The following CHRM3 variants were observed in gnomAD, a reference collection of about 807,000 sequenced individuals.
CHRM3 encodes the protein cholinergic receptor muscarinic 3, also known as muscarinic acetylcholine receptor M3.
In CHRM3, 11 loss-of-function variants were observed where a neutral mutation model predicts 41.8. The ratio of observed to expected loss-of-function variants is 0.26; its 90% CI spans 0.17 to 0.44. The LOEUF (loss-of-function observed/expected upper bound fraction) is 0.44. Among genes scored for constraint, CHRM3 ranks in the 20% least tolerant of loss-of-function variants. The pLI is 1.00. For synonymous variants in CHRM3, 297 were observed against 301.4 expected, an observed-to-expected ratio of 0.99 and a Z score of 0.15; for missense variants, 571 against 745.4, an observed-to-expected ratio of 0.77 and a Z score of 2.72.
At chr1:239,588,180 G>C (rs932639254) in intron 3 of CHRM3, among the ~76,000 whole-genome samples, 4 of 152,164 alleles carry the variant, frequency 2.6e-5, no homozygotes, top group African/African-American at 9.7e-5. Context: ...TTGCTAGCTA[G>C]AATACCAACC....
intron 1 of CHRM3, among the ~76,000 whole-genome samples, chr1:239,430,582 C>G (rs2103166992): frequency 6.6e-6 from 1 of 152,030 alleles, no homozygotes; most frequent in East Asian, 1.9e-4. Context: ...AAACAGTAAA[C>G]TTGGTAGACC....
intron 3 of CHRM3, among the ~76,000 whole-genome samples, chr1:239,571,843 G>T (rs1389398503): frequency 6.6e-6 from 1 of 152,110 alleles, no homozygotes; most frequent in Non-Finnish European, 1.5e-5. Flanking sequence ...AAATAGATGT[G>T]TGGGCATTTT....
intron 5 of CHRM3, chr1:239,704,602 C>T (rs1486572848): frequency 2.0e-5 from 3 of 152,190 alleles, no homozygotes; most frequent in Admixed American, 6.5e-5. Flanking sequence ...TAAACCTCTT[C>T]TCTGTGCAGG....
intron 2 of CHRM3, among the ~76,000 whole-genome samples, chr1:239,518,006 T>A (rs553009878): frequency 6.6e-6 from 1 of 152,212 alleles, no homozygotes; most frequent in Non-Finnish European, 1.5e-5. Flanking sequence ...CTCAGGAGGC[T>A]GAGGCAGAAG....
At chr1:239,808,964 G>C (rs902770882) in intron 5 of CHRM3, among the ~76,000 whole-genome samples, 1 of 151,054 alleles carries the variant, frequency 6.6e-6, no homozygotes, top group Non-Finnish European at 1.5e-5. Flanking sequence ...GAAGAAGTTG[G>C]TGAGTTGATA....
At chr1:239,391,019 T>C (rs1273695242) in intron 1 of CHRM3, among the ~76,000 whole-genome samples, 1 of 152,004 alleles carries the variant, frequency 6.6e-6, no homozygotes, top group Non-Finnish European at 1.5e-5. Context: ...GCACCTGTAT[T>C]CCTAGCTACT....
chr1:239,749,975 G>C (rs958686196), intron 5 of CHRM3, among the ~76,000 whole-genome samples: 2 of 152,110 alleles, frequency 1.3e-5, no homozygotes, highest in African/African-American at 4.8e-5. Flanking sequence ...AGTTTAAAAA[G>C]CCTCATGGCT....
At chr1:239,396,379 G>A (rs1240349562) in intron 1 of CHRM3, among the ~76,000 whole-genome samples, 1 of 152,074 alleles carries the variant, frequency 6.6e-6, no homozygotes. Flanking sequence ...GGAAGGCTGA[G>A]GTGGGAGGAT....
chr1:239,645,302 T>C (rs1671650674), intron 4 of CHRM3, among the ~76,000 whole-genome samples: 2 of 152,234 alleles, frequency 1.3e-5, no homozygotes, highest in South Asian at 4.1e-4. Flanking sequence ...ACCAGGGCAC[T>C]GTGGGACAAT....
At chr1:239,535,034 C>A (rs1012542978) in intron 2 of CHRM3, among the ~76,000 whole-genome samples, 3 of 152,240 alleles carry the variant, frequency 2.0e-5, no homozygotes, top group Non-Finnish European at 4.4e-5. Flanking sequence ...TGCCCTCAGG[C>A]AGCTTACATT....
At chr1:239,520,030 C>T (rs1341877405) in intron 2 of CHRM3, among the ~76,000 whole-genome samples, 1 of 152,126 alleles carries the variant, frequency 6.6e-6, no homozygotes. Context: ...CTAGTTCTTA[C>T]TCTTTCACTT....
At chr1:239,738,927 C>T (rs1389218212) in intron 5 of CHRM3, among the ~76,000 whole-genome samples, 3 of 152,170 alleles carry the variant, frequency 2.0e-5, no homozygotes, top group Non-Finnish European at 4.4e-5. Flanking sequence ...TGCTAAGGCA[C>T]AGTGCATGCA....
At chr1:239,844,279 G>A (rs954302213) in intron 6 of CHRM3, among the ~76,000 whole-genome samples, 2 of 152,050 alleles carry the variant, frequency 1.3e-5, no homozygotes, top group Non-Finnish European at 1.5e-5. Flanking sequence ...AGGTATAAAT[G>A]GGAGGTTCTA....
intron 1 of CHRM3, among the ~76,000 whole-genome samples, chr1:239,413,383 G>A (rs1006108125): frequency 3.3e-5 from 5 of 152,152 alleles, no homozygotes; most frequent in African/African-American, 9.6e-5. Context: ...TCTGCCTCCC[G>A]GATTCATGAG....
intron 5 of CHRM3, among the ~76,000 whole-genome samples, chr1:239,775,461 G>A (rs140120274): frequency 4.6e-5 from 7 of 152,202 alleles, no homozygotes; most frequent in African/African-American, 1.4e-4. Flanking sequence ...ATTTTCTTTT[G>A]TTATATGAAT....
At position 239,808,865 on chromosome 1, in the gene CHRM3, C is replaced by T. The variant is rs1255828258; in HGVS notation, c.-146-18387C>T. 2.0e-5 allele frequency among the ~76,000 whole-genome samples: 3 copies of T among 152,132 alleles called. No homozygotes were observed. In the East Asian group the frequency reaches 5.8e-4, roughly 29 times the overall value. ...GTGGACAAGCAGTTATTGAAAAGGCCTATTTAGAATACTGCTTTTTCCTAC... is the reference window on the plus strand; with the variant it reads ...GTGGACAAGCAGTTATTGAAAAGGCTTATTTAGAATACTGCTTTTTCCTAC... On this transcript the variant is annotated intron_variant, in intron 5 of 6. Transcript: ENST00000676153.
chr1:239,862,411 T>C (rs1220760022), intron 6 of CHRM3, among the ~76,000 whole-genome samples: 1 of 152,210 alleles, frequency 6.6e-6, no homozygotes, highest in Non-Finnish European at 1.5e-5. Flanking sequence ...GAGGTTTATG[T>C]TCAAAGTAAT....
chr1:239,890,234 G>A (rs941486231), intron 6 of CHRM3, among the ~76,000 whole-genome samples: 22 of 152,064 alleles, frequency 1.4e-4, no homozygotes, highest in Non-Finnish European at 1.8e-4. Flanking sequence ...CTGGGAGGCC[G>A]AGGTTGCGGT....
intron 4 of CHRM3, among the ~76,000 whole-genome samples, chr1:239,642,474 C>A (rs1428989656): frequency 6.6e-6 from 1 of 152,066 alleles, no homozygotes; most frequent in Non-Finnish European, 1.5e-5. Flanking sequence ...TCTTTATATT[C>A]TTTTTTATCT....
Sources: allele counts gnomAD v4.1 joint callset (sites outside exome capture counted in the v4.1 genomes callset), GRCh38; gene constraint gnomAD v4.1.1; transcripts MANE v1.5; gene names NCBI Gene and HGNC (gene_info 2026-07-23, HGNC 2026-07-21).